The following DNAJC6 variants were observed in gnomAD, a reference collection of about 807,000 sequenced individuals.
DNAJC6 encodes the protein auxilin.
Under a neutral mutation model 110.0 loss-of-function variants are expected in DNAJC6, and 34 were observed. The observed-to-expected ratio is 0.31, with a 90% CI of 0.24 to 0.41. The LOEUF (loss-of-function observed/expected upper bound fraction) is 0.41, where lower values mean the gene tolerates loss of function less well. Among genes scored for constraint, DNAJC6 ranks in the 10% least tolerant of loss-of-function variants. The pLI is 1.00. For missense variants in DNAJC6, 1,031 were observed against 1,207.8 expected (o/e 0.85, Z 2.17); for synonymous variants, 406 against 437.2 (o/e 0.93, Z 0.89).
At chr1:65,401,503 C>T (rs112799237) in intron 14 of DNAJC6, among the ~76,000 whole-genome samples, 11 of 152,258 alleles carry the variant, frequency 7.2e-5, no homozygotes, top group African/African-American at 2.4e-4. Context: ...ACATGAGGAC[C>T]TGGAAATAAA....
chr1:65,388,944 C>T (rs924536333), intron 9 of DNAJC6, among the ~76,000 whole-genome samples: 6 of 152,130 alleles, frequency 3.9e-5, no homozygotes, highest in Admixed American at 1.3e-4. Context: ...GGGCTCAGGA[C>T]AGTGGCTGTG....
intron 1 of DNAJC6, among the ~76,000 whole-genome samples, chr1:65,283,829 T>G (rs1322151505): frequency 6.6e-6 from 1 of 152,202 alleles, no homozygotes; most frequent in Non-Finnish European, 1.5e-5. Context: ...ATAGTCACTA[T>G]TTTTCTTTTT....
At chr1:65,272,700 T>G (rs56155069) in intron 1 of DNAJC6, among the ~76,000 whole-genome samples, 110,005 of 151,444 alleles carry the variant, frequency 0.73, 41,108 homozygotes, top group East Asian at 0.98. Flanking sequence ...TTTTGTTTGT[T>G]TGTTTATTTA....
At chr1:65,314,581 C>T (rs919606226) in intron 1 of DNAJC6, among the ~76,000 whole-genome samples, 2 of 152,170 alleles carry the variant, frequency 1.3e-5, no homozygotes, top group African/African-American at 4.8e-5. Context: ...CCTCTTCCTC[C>T]TAGTTCAAGC....
At chr1:65,328,291 A>G (rs1477469943) in intron 1 of DNAJC6, among the ~76,000 whole-genome samples, 3 of 152,224 alleles carry the variant, frequency 2.0e-5, no homozygotes, top group Non-Finnish European at 4.4e-5. Context: ...TCATAACTAC[A>G]GTTTTATGTA....
chr1:65,347,026 G>A (rs1645443017), intron 1 of DNAJC6, among the ~76,000 whole-genome samples: 1 of 152,018 alleles, frequency 6.6e-6, no homozygotes, highest in Non-Finnish European at 1.5e-5. Context: ...TGTCTAAACA[G>A]TAGAAAATCA....
At position 65,264,877 on chromosome 1, in the gene DNAJC6, C is replaced by T. The variant is rs368277110; in HGVS notation, c.-186C>T. ...AGGGTTGCAGAATCAGCCGGACTTT[C>T]CTGCTCATTTGCAGCAGAGGGAGGA... On this transcript the variant is annotated 5_prime_UTR_variant, in exon 1 of 20. Coordinates refer to the DNAJC6 transcript ENST00000263441. 1.9e-6 allele frequency: 3 copies of T among 1,611,832 alleles called. No homozygotes were observed. In the African/African-American group the frequency reaches 4.0e-5, roughly 22 times the overall value.
At chr1:65,383,817 A>G (rs1557553519) in intron 5 of DNAJC6, among the ~76,000 whole-genome samples, 2 of 152,352 alleles carry the variant, frequency 1.3e-5, no homozygotes, top group South Asian at 2.1e-4. Context: ...CATATATGCC[A>G]TATCCCAACA....
rs1223276081 is a variant in DNAJC6, at chr1:65,394,933, C to T, written c.1939C>T (p.Pro647Ser). 5 of 1,609,366 alleles carry T rather than the reference C, an allele frequency of 3.1e-6. No homozygotes were observed. Among genetic ancestry groups the T allele is most frequent in the Non-Finnish European group, 4.2e-6 (5 of 1,178,558 alleles). Residue 647 changes from proline to serine, a missense_variant, in exon 13 of 19, where the codon CCA becomes TCA. By Grantham distance (74) the Pro-to-Ser change is moderately conservative. Transcript: ENST00000371069. ...TGACCCATTTGGAGCACCTTCTAAA[C>T]CATCAGGTCAGGATTTGCTGGGTTC... Reference protein sequence around the residue: ...TFDPFGAPSKPSGQDLLGSFL... With the variant: ...TFDPFGAPSKSSGQDLLGSFL...
At position 65,405,986 on chromosome 1, in the gene DNAJC6, G is replaced by A; in HGVS notation, c.2344G>A (p.Gly782Arg). ...GCCTATGGGTGGCGGGTGGCAGCAG[G>A]GAGGTGCCTACAACTGGCAGCAGCC... is the stretch of plus-strand genomic sequence containing the variant. ...PQPMGGGWQQGGAYNWQQPQP... is the reference protein window; with the variant it reads ...PQPMGGGWQQRGAYNWQQPQP... Residue 782 changes from glycine (G) to arginine (R), a missense_variant, in exon 16 of 19, where the codon GGA (glycine) becomes AGA (arginine). Transcript: ENST00000371069. 2 of 1,614,216 alleles carry A rather than the reference G, an allele frequency of 1.2e-6. No individual in the cohort carries two copies. Among genetic ancestry groups the A allele is most frequent in the Non-Finnish European group, 1.7e-6 (2 of 1,180,044 alleles).
intron 1 of DNAJC6, among the ~76,000 whole-genome samples, chr1:65,290,168 G>T (rs373352671): frequency 6.6e-6 from 1 of 152,312 alleles, no homozygotes; most frequent in East Asian, 1.9e-4. Context: ...GGCTGGAAAA[G>T]TCAAGATAAA....
intron 1 of DNAJC6, among the ~76,000 whole-genome samples, chr1:65,352,432 A>G (rs568058057): frequency 1.3e-5 from 2 of 149,786 alleles, no homozygotes; most frequent in South Asian, 2.1e-4. Flanking sequence ...TAGAAGTCCA[A>G]TGCACTATCC....
intron 1 of DNAJC6, among the ~76,000 whole-genome samples, chr1:65,282,354 T>G (rs796231325): frequency 4.6e-5 from 7 of 152,196 alleles, no homozygotes; most frequent in African/African-American, 1.7e-4. Flanking sequence ...GCAAAAACAA[T>G]TTCAGTACTT....
chr1:65,390,630 A>C (rs763911703), intron 11 of DNAJC6, among the ~76,000 whole-genome samples: 4 of 152,212 alleles, frequency 2.6e-5, no homozygotes, highest in African/African-American at 7.2e-5. Flanking sequence ...TATGAAAGGC[A>C]TGGGAAACTG....
In DNAJC6 at chr1:65,379,533, C is replaced by A. The variant is rs1364115124; in HGVS notation, c.666+9C>A. 1 of 1,613,550 alleles carries A rather than the reference C, an allele frequency of 6.2e-7. No homozygotes were observed. Among genetic ancestry groups the A allele is most frequent in the Admixed American group, 1.7e-5 (1 of 59,980 alleles). On this transcript the variant is annotated intron_variant, in intron 5 of 18. Coordinates refer to ENST00000371069, the MANE Select transcript of DNAJC6 (RefSeq NM_001256864.2). ...GTGTTGTCCACTGCTTGGTGAGTAA[C>A]CTTTTGTTGTTGGTGGTGATGGTTT... is the stretch of plus-strand genomic sequence containing the variant.
chr1:65,328,041 A>G (rs1360860660), intron 1 of DNAJC6, among the ~76,000 whole-genome samples: 1 of 152,232 alleles, frequency 6.6e-6, no homozygotes, highest in Non-Finnish European at 1.5e-5. Context: ...TGATGGGAAG[A>G]TATTCAAAAT....
chr1:65,330,228 C>T (rs1028577823), intron 1 of DNAJC6, among the ~76,000 whole-genome samples: 2 of 152,144 alleles, frequency 1.3e-5, no homozygotes, highest in Non-Finnish European at 2.9e-5. Context: ...TTGAAGCTGA[C>T]CTCAATATTC....
intron 1 of DNAJC6, among the ~76,000 whole-genome samples, chr1:65,358,976 A>G (rs1207718527): frequency 6.6e-6 from 1 of 152,174 alleles, no homozygotes; most frequent in Non-Finnish European, 1.5e-5. Context: ...GATGATCACT[A>G]TGCATTATGG....
rs1443064034 is a variant in DNAJC6 at position 65,414,183 on chromosome 1, G to T, written c.*1158G>T. ...CAGTGGGCTTTTTTGTTTTAAAAGTGGTTGGGGATCCACAGGAACGACATT... is the reference window on the plus strand; with the variant it reads ...CAGTGGGCTTTTTTGTTTTAAAAGTTGTTGGGGATCCACAGGAACGACATT... On this transcript the variant is annotated 3_prime_UTR_variant, in exon 19 of 19. Coordinates refer to ENST00000371069, the MANE Select transcript of DNAJC6 (RefSeq NM_001256864.2). 4.6e-5 allele frequency: 7 copies of T among 152,202 alleles called. No individual in the cohort carries two copies. Among genetic ancestry groups the T allele is most frequent in the Non-Finnish European group, 1.0e-4 (7 of 68,046 alleles). The allele number at this position is 152,202 out of a possible 1,614,324, so 9.4% of individuals were successfully genotyped here.
Sources: gnomAD v4.1 joint callset for allele counts (sites outside exome capture counted in the v4.1 genomes callset) on GRCh38, gnomAD v4.1.1 for gene constraint, MANE v1.5 for transcripts, NCBI Gene and HGNC (gene_info 2026-07-23, HGNC 2026-07-21) for gene names.